CACNG3: variants seen among roughly 807,000 people sequenced by gnomAD.
CACNG3 encodes the protein voltage-dependent calcium channel gamma-3 subunit.
CACNG3 carries 3 observed loss-of-function variants against 28.5 expected under a neutral mutation model. The observed-to-expected ratio is 0.11, with a 90% CI of 0.05 to 0.27. The LOEUF is 0.27. Among genes scored for constraint, CACNG3 ranks in the 10% least tolerant of loss-of-function variants. CACNG3 has a pLI of 1.00. For synonymous variants in CACNG3, 174 were observed against 162.2 expected, an observed-to-expected ratio of 1.07 and a Z score of -0.55; for missense variants, 236 against 414.4, an observed-to-expected ratio of 0.57 and a Z score of 3.74.
chr16:24,279,863 T>C (rs911450754), intron 1 of CACNG3, among the ~76,000 whole-genome samples: 4 of 151,936 alleles, frequency 2.6e-5, no homozygotes, highest in Non-Finnish European at 5.9e-5. Flanking sequence ...AGAGGGTGAG[T>C]CTGGTTTTAA....
intron 1 of CACNG3, among the ~76,000 whole-genome samples, chr16:24,302,608 C>T (rs1463583518): frequency 6.6e-6 from 1 of 151,280 alleles, no homozygotes; most frequent in Non-Finnish European, 1.5e-5. Flanking sequence ...GCATGCACCA[C>T]TATGCCCAGC....
At chr16:24,300,695 G>C (rs987085844) in intron 1 of CACNG3, among the ~76,000 whole-genome samples, 4 of 151,936 alleles carry the variant, frequency 2.6e-5, no homozygotes, top group South Asian at 4.2e-4. Context: ...GGCCAAGGTA[G>C]GCAGATCACT....
chr16:24,268,908 C>A (rs1414908087), intron 1 of CACNG3, among the ~76,000 whole-genome samples: 1 of 152,220 alleles, frequency 6.6e-6, no homozygotes. Flanking sequence ...TCATCCTCAA[C>A]TCCAGGTTTT....
At chr16:24,333,545 G>A (rs1899660728) in intron 1 of CACNG3, 1 of 152,414 alleles carries the variant, frequency 6.6e-6, no homozygotes, top group East Asian at 1.9e-4. Context: ...CTAGAAAGAG[G>A]CTTTAGTCCC....
At chr16:24,349,462 T>C (rs1899912547) in intron 2 of CACNG3, among the ~76,000 whole-genome samples, 1 of 152,176 alleles carries the variant, frequency 6.6e-6, no homozygotes, top group Non-Finnish European at 1.5e-5. Context: ...TATAGTTACT[T>C]CTTGATTAAT....
chr16:24,348,338 G>A (rs572865654), intron 2 of CACNG3, among the ~76,000 whole-genome samples: 2 of 151,430 alleles, frequency 1.3e-5, no homozygotes, highest in Non-Finnish European at 2.9e-5. Context: ...AGGAAGCTGA[G>A]GCTGCAGTGC....
chr16:24,270,957 T>C (rs1447353266), intron 1 of CACNG3, among the ~76,000 whole-genome samples: 1 of 152,224 alleles, frequency 6.6e-6, no homozygotes, highest in Middle Eastern at 3.4e-3. Context: ...GGAATGTGCC[T>C]GGAGTGTTCA....
intron 1 of CACNG3, among the ~76,000 whole-genome samples, chr16:24,275,567 A>G (rs181026655): frequency 6.6e-6 from 1 of 152,312 alleles, no homozygotes; most frequent in Admixed American, 6.5e-5. Context: ...ATGAAACACC[A>G]TATTTACTTG....
At chr16:24,293,678 T>C (rs1898994550) in intron 1 of CACNG3, among the ~76,000 whole-genome samples, 1 of 152,170 alleles carries the variant, frequency 6.6e-6, no homozygotes, top group African/African-American at 2.4e-5. Context: ...GGATGCCTTC[T>C]ACAATTAACA....
intron 1 of CACNG3, among the ~76,000 whole-genome samples, chr16:24,335,637 T>G (rs79634065): frequency 0.13 from 19,716 of 152,160 alleles, 1,633 homozygotes; most frequent in Non-Finnish European, 0.17. Context: ...CCGCTCATTC[T>G]GGCTCCAAAA....
chr16:24,304,509 C>T (rs1899158205), intron 1 of CACNG3, among the ~76,000 whole-genome samples: 1 of 152,108 alleles, frequency 6.6e-6, no homozygotes, highest in Non-Finnish European at 1.5e-5. Flanking sequence ...TTCTCATGTT[C>T]CTTCTGGTCA....
chr16:24,316,943 T>C (rs886523139), intron 1 of CACNG3, among the ~76,000 whole-genome samples: 3 of 152,114 alleles, frequency 2.0e-5, no homozygotes, highest in Non-Finnish European at 4.4e-5. Context: ...TCCTCGCCAG[T>C]GAAATATGGA....
At chr16:24,269,746 C>CAAAAAAAAAAAAAAAAAAAA (rs1163565728) in intron 1 of CACNG3, among the ~76,000 whole-genome samples, 1 of 71,082 alleles carries the variant, frequency 1.4e-5, no homozygotes, top group South Asian at 5.6e-4. Context: ...GACTCCATCT[C>CAAAAAAAAAAAAAAAAAAAA]AAAAAAAAAA....
intron 1 of CACNG3, among the ~76,000 whole-genome samples, chr16:24,295,520 G>A (rs754758515): frequency 2.0e-5 from 3 of 152,196 alleles, no homozygotes; most frequent in Non-Finnish European, 2.9e-5. Context: ...ATTATTCTGA[G>A]TATGTTTTAT....
chr16:24,317,556 A>G (rs1228393668), intron 1 of CACNG3, among the ~76,000 whole-genome samples: 2 of 17,258 alleles, frequency 1.2e-4, no homozygotes, highest in Admixed American at 9.8e-4. Context: ...AAAAAAGAAA[A>G]AGAAAGAAAG....
At chr16:24,303,904 T>A (rs1056458956) in intron 1 of CACNG3, among the ~76,000 whole-genome samples, 1 of 151,932 alleles carries the variant, frequency 6.6e-6, no homozygotes, top group Non-Finnish European at 1.5e-5. Flanking sequence ...CAAGACCCCA[T>A]CTCAAAAATA....
At chr16:24,308,192 G>A (rs975850835) in intron 1 of CACNG3, among the ~76,000 whole-genome samples, 2 of 152,170 alleles carry the variant, frequency 1.3e-5, no homozygotes, top group Admixed American at 6.5e-5. Context: ...CAGGAACCTG[G>A]GAAAAAGTCT....
At chr16:24,341,650 G>A (rs933570965) in intron 1 of CACNG3, among the ~76,000 whole-genome samples, 4 of 152,240 alleles carry the variant, frequency 2.6e-5, no homozygotes, top group African/African-American at 9.6e-5. Flanking sequence ...GGTTTGGAGA[G>A]GTAATTTGCC....
intron 1 of CACNG3, among the ~76,000 whole-genome samples, chr16:24,289,704 G>A (rs1898940965): frequency 1.3e-5 from 2 of 152,192 alleles, no homozygotes; most frequent in Admixed American, 6.5e-5. Context: ...GGGTAGCACA[G>A]CACGCTCTGT....
Sources: allele counts gnomAD v4.1 joint callset (sites outside exome capture counted in the v4.1 genomes callset), GRCh38; gene constraint gnomAD v4.1.1; transcripts MANE v1.5; gene names NCBI Gene and HGNC (gene_info 2026-07-23, HGNC 2026-07-21).